Variants in BDNF observed in about 807,000 individuals in gnomAD.
The protein encoded by BDNF is neurotrophic factor BDNF precursor form.
A neutral mutation model predicts 19.5 loss-of-function variants in BDNF; 1 was observed. That is an observed-to-expected ratio of 0.05 (90% CI 0.02 to 0.24). BDNF has a LOEUF of 0.24. BDNF is among the 10% of genes least tolerant of loss of function. The pLI, the probability that BDNF is intolerant of heterozygous loss-of-function variation, is 1.00. For synonymous variants in BDNF, 100 were observed against 121.6 expected (o/e 0.82, Z 1.17); for missense variants, 195 against 317.6 (o/e 0.61, Z 2.93).
chr11:27,680,834 T>C (rs1294934479), intron 1 of BDNF, among the ~76,000 whole-genome samples: 6 of 152,210 alleles, frequency 3.9e-5, no homozygotes, highest in African/African-American at 1.2e-4. Context: ...TACATACTTC[T>C]GGTAATCAAT....
chr11:27,700,621 C>T, upstream of BDNF: 8 of 983,974 alleles, frequency 8.1e-6, no homozygotes, highest in South Asian at 4.6e-5. Context: ...CTTTTCCTCG[C>T]GCGGGGAACC....
At chr11:27,699,740 AC>A in intron 1 of BDNF, 2 of 1,330,668 alleles carry the variant, frequency 1.5e-6, no homozygotes, top group Non-Finnish European at 1.9e-6. Context: ...CGGCGCGGGG[AC>A]CACCCACCCC....
intron 1 of BDNF, among the ~76,000 whole-genome samples, chr11:27,666,629 T>C (rs1854389101): frequency 1.3e-5 from 2 of 152,096 alleles, no homozygotes; most frequent in Admixed American, 1.3e-4. Flanking sequence ...ATGTGACACA[T>C]GCACAAGCTT....
intron 1 of BDNF, among the ~76,000 whole-genome samples, chr11:27,687,540 G>C (rs185029234): frequency 6.6e-6 from 1 of 152,310 alleles, no homozygotes; most frequent in Non-Finnish European, 1.5e-5. Flanking sequence ...CCTCATCCTT[G>C]TGGATTTATC....
At chr11:27,684,802 AG>A (rs1857271699) in intron 1 of BDNF, among the ~76,000 whole-genome samples, 1 of 152,154 alleles carries the variant, frequency 6.6e-6, no homozygotes, top group East Asian at 1.9e-4. Flanking sequence ...TCAGTTTACC[AG>A]TTTTTTATTG....
upstream of BDNF, chr11:27,700,976 C>A: frequency 1.5e-6 from 2 of 1,360,746 alleles, no homozygotes; most frequent in African/African-American, 1.5e-5. Flanking sequence ...CACACCTTCC[C>A]GCACCTTCCT....
rs941865217 is a variant in BDNF at position 27,667,196 on chromosome 11, C to A, written c.-21-8611G>T. Among the ~76,000 whole-genome samples, 5 of 151,366 alleles carry A rather than the reference C, an allele frequency of 3.3e-5. No homozygotes were observed. The South Asian group carries it at 6.3e-4, about 19-fold the overall frequency. ...TTCATAAGTGAAGGAGAAATAAAAT[C>A]CTTTACAGACAAGCAAATGCTGAGA... On this transcript the variant is annotated intron_variant, in intron 1 of 1. Transcript: ENST00000356660.
intron 1 of BDNF, among the ~76,000 whole-genome samples, chr11:27,666,052 G>C (rs1590258956): frequency 6.6e-6 from 1 of 152,146 alleles, no homozygotes; most frequent in South Asian, 2.1e-4. Flanking sequence ...ACGGCCAGGT[G>C]CCCCTCTGAG....
Position 27,698,169 on chromosome 11 carries a change from C to T in BDNF, c.-22+1995G>A. The T allele has an allele frequency of 1.6e-5, 2 of 122,412 alleles. 1 individual carries two copies. The highest frequency in any genetic ancestry group is 6.0e-5 in the African/African-American group (2 of 33,138). 7.6% of individuals were successfully genotyped at this position (122,412 alleles called of 1,614,324 possible). ...TCCAGTAAAGGTTATGGTTACATTT[C>T]AACAAGTGTCTCTTTCCTTTTTTTT... On this transcript the variant is annotated intron_variant, in intron 1 of 1. Coordinates refer to ENST00000356660, the MANE Select transcript of BDNF (RefSeq NM_001709.5).
chr11:27,665,700 A>G (rs986557178), intron 1 of BDNF, among the ~76,000 whole-genome samples: 1 of 152,178 alleles, frequency 6.6e-6, no homozygotes, highest in Non-Finnish European at 1.5e-5. Context: ...CGAACTGCAA[A>G]GCAGCAGCGA....
intron 1 of BDNF, among the ~76,000 whole-genome samples, chr11:27,711,241 A>G (rs1860314918): frequency 6.6e-6 from 1 of 152,230 alleles, no homozygotes; most frequent in East Asian, 1.9e-4. Flanking sequence ...TGAGGATTCA[A>G]TGAACTAAGG....
At chr11:27,660,055 A>G (rs1275224556) in intron 1 of BDNF, 6 of 425,232 alleles carry the variant, frequency 1.4e-5, no homozygotes, top group Non-Finnish European at 2.1e-5. Flanking sequence ...TGGACTTACA[A>G]AAAGACACAT....
At chr11:27,699,517 G>T in intron 1 of BDNF, 1 of 1,610,328 alleles carries the variant, frequency 6.2e-7, no homozygotes, top group Non-Finnish European at 8.5e-7. Flanking sequence ...CGCAGGATGG[G>T]TAGAGATGTG....
At chr11:27,678,817 A>G (rs960859476) in intron 1 of BDNF, among the ~76,000 whole-genome samples, 1 of 152,186 alleles carries the variant, frequency 6.6e-6, no homozygotes, top group Non-Finnish European at 1.5e-5. Flanking sequence ...AAAACACTCA[A>G]AAAACTTCTC....
At chr11:27,688,152 C>A (rs1272403350) in intron 1 of BDNF, among the ~76,000 whole-genome samples, 1 of 152,184 alleles carries the variant, frequency 6.6e-6, no homozygotes, top group Non-Finnish European at 1.5e-5. Flanking sequence ...AGGGGCTTTG[C>A]TGAGCTGTGG....
At chr11:27,662,861 G>T (rs532183398) in intron 1 of BDNF, among the ~76,000 whole-genome samples, 44 of 152,284 alleles carry the variant, frequency 2.9e-4, no homozygotes, top group African/African-American at 1.1e-3. Context: ...GCGGATCCCT[G>T]CTCTAAGGAA....
intron 1 of BDNF, among the ~76,000 whole-genome samples, chr11:27,679,361 T>C (rs1354473991): frequency 2.0e-5 from 3 of 152,212 alleles, no homozygotes. Context: ...AAACTGCCCG[T>C]AAGTAAGAAT....
intron 1 of BDNF, among the ~76,000 whole-genome samples, chr11:27,718,354 A>ACCGC (rs1554950387): frequency 4.0e-5 from 4 of 101,112 alleles, no homozygotes; most frequent in Non-Finnish European, 6.1e-5. Context: ...TCCGCACACC[A>ACCGC]CCCCCCCCCG....
rs894579199 is a variant in BDNF at position 27,700,320 on chromosome 11, G to A, written c.-178C>T. The A allele has an allele frequency of 1.0e-6, 1 of 985,310 alleles. No individual in the cohort carries two copies. Among genetic ancestry groups the A allele is most frequent in the African/African-American group, 1.7e-5 (1 of 57,310 alleles). 61.0% of individuals were successfully genotyped at this position (985,310 alleles called of 1,614,324 possible). ...TCTCATTAAAGCCCCCCGAGCAGGA[G>A]GTGGAGGGGCGCACCGGGCTGGCTC... On this transcript the variant is annotated 5_prime_UTR_variant, in exon 1 of 2. Transcript: ENST00000356660.
Sources: allele counts gnomAD v4.1 joint callset (sites outside exome capture counted in the v4.1 genomes callset), GRCh38; gene constraint gnomAD v4.1.1; transcripts MANE v1.5; gene names NCBI Gene and HGNC (gene_info 2026-07-23, HGNC 2026-07-21).